DCHS2: variants seen among roughly 807,000 people sequenced by gnomAD.
DCHS2 encodes dachsous cadherin-related 2.
In DCHS2, 142 loss-of-function variants were observed where a neutral mutation model predicts 182.4. That is an observed-to-expected ratio of 0.78 (90% CI 0.68 to 0.89). The LOEUF (loss-of-function observed/expected upper bound fraction) is 0.89, where lower values mean the gene tolerates loss of function less well. DCHS2 is among the 40% of genes least tolerant of loss of function. The pLI, the probability that DCHS2 is intolerant of heterozygous loss-of-function variation, is 0.00. For missense variants in DCHS2, 4,319 were observed against 4,198.6 expected, an observed-to-expected ratio of 1.03 and a Z score of -0.79; for synonymous variants, 1,740 against 1,663.3, an observed-to-expected ratio of 1.05 and a Z score of -1.12.
intron 10 of DCHS2, among the ~76,000 whole-genome samples, chr4:154,308,031 T>A (rs1735518598): frequency 6.6e-6 from 1 of 152,178 alleles, no homozygotes; most frequent in African/African-American, 2.4e-5. Flanking sequence ...CCTTAAATTA[T>A]ATCCTTCTCT....
chr4:154,401,877 C>T (rs987900489), intron 1 of DCHS2, among the ~76,000 whole-genome samples: 2 of 152,070 alleles, frequency 1.3e-5, no homozygotes, highest in African/African-American at 4.8e-5. Context: ...GCCTATAGTC[C>T]CAGCTACTCG....
At chr4:154,385,442 A>G (rs1361353517) in intron 1 of DCHS2, among the ~76,000 whole-genome samples, 5 of 152,152 alleles carry the variant, frequency 3.3e-5, no homozygotes, top group Non-Finnish European at 1.5e-5. Flanking sequence ...TATACCCAGT[A>G]ATGGGATGGC....
At chr4:154,412,385 TC>T (rs1373995631) in intron 1 of DCHS2, among the ~76,000 whole-genome samples, 1 of 151,964 alleles carries the variant, frequency 6.6e-6, no homozygotes, top group African/African-American at 2.4e-5. Flanking sequence ...CTCTTTTCAG[TC>T]TAGCTGCCTT....
At chr4:154,456,707 G>A (rs1410848225) in intron 1 of DCHS2, among the ~76,000 whole-genome samples, 1 of 152,170 alleles carries the variant, frequency 6.6e-6, no homozygotes, top group African/African-American at 2.4e-5. Flanking sequence ...AAAATAACAA[G>A]TCAAGGAAGA....
At chr4:154,253,024 T>TTTA (rs1221551877) in intron 16 of DCHS2, among the ~76,000 whole-genome samples, 1 of 149,790 alleles carries the variant, frequency 6.7e-6, no homozygotes, top group African/African-American at 2.5e-5. Context: ...AAAATCCTCC[T>TTTA]TTATTTCTTA....
In DCHS2 at chr4:154,366,207, T is replaced by C. The variant is rs369093995; in HGVS notation, c.2476+3A>G. The stretch of plus-strand genomic sequence containing the variant: ...GGATGAAAACTGTTCCAAGATCACA[T>C]ACCTGTGGTGGAGTCAATGGTAAAA... On this transcript the variant is annotated splice_donor_region_variant and intron_variant, in intron 3 of 19. Transcript: ENST00000357232. The C allele has an allele frequency of 1.7e-5, 27 of 1,608,520 alleles. No individual in the cohort carries two copies. The highest frequency in any genetic ancestry group is 1.7e-5 in the Non-Finnish European group (20 of 1,175,484).
In DCHS2 at chr4:154,236,327, G is replaced by C. The variant is rs1191578608; in HGVS notation, c.8325C>G (p.Ser2775Arg). 6.2e-7 allele frequency: 1 copy of C among 1,614,034 alleles called. No homozygotes were observed. The highest frequency in any genetic ancestry group is 1.1e-5 in the South Asian group (1 of 91,078). The change falls in exon 20 of 20, where the codon AGC becomes AGG. Residue 2775 changes from serine to arginine, a missense_variant. Ser to Arg is a moderately radical substitution (Grantham distance 110, BLOSUM62 -1). Transcript: ENST00000357232. ...HAPQFMFSSF[S>R]CIVPENLPIS... The stretch of plus-strand genomic sequence containing the variant: ...TAGGCAGATTTTCTGGAACAATACA[G>C]CTGAAGCTTGAGAACATAAACTGAG...
chr4:154,240,946 A>C, intron 17 of DCHS2, 123 bp from the exon 18 acceptor site: 2 of 1,412,912 alleles, frequency 1.4e-6, no homozygotes, highest in Non-Finnish European at 1.9e-6. Flanking sequence ...TCTTGGCTTG[A>C]TTTCTCATAC....
chr4:154,415,729 G>A (rs1159842575), intron 1 of DCHS2, among the ~76,000 whole-genome samples: 7 of 152,076 alleles, frequency 4.6e-5, no homozygotes, highest in African/African-American at 1.7e-4. Flanking sequence ...GGTCGGTGAG[G>A]AAAATGACTA....
intron 1 of DCHS2, among the ~76,000 whole-genome samples, chr4:154,427,616 A>G (rs1401650984): frequency 6.6e-6 from 1 of 152,222 alleles, no homozygotes; most frequent in Non-Finnish European, 1.5e-5. Context: ...GTAGCATCTG[A>G]GTTATGTCTT....
chr4:154,254,516 C>T (rs1201289802), intron 16 of DCHS2, among the ~76,000 whole-genome samples: 2 of 152,166 alleles, frequency 1.3e-5, no homozygotes, highest in African/African-American at 4.8e-5. Context: ...AAGCAGTCCC[C>T]ACTCATGGAT....
chr4:154,339,680 C>G (rs1728973859), intron 3 of DCHS2, among the ~76,000 whole-genome samples: 1 of 152,230 alleles, frequency 6.6e-6, no homozygotes, highest in South Asian at 2.1e-4. Context: ...AACTCCTGAC[C>G]TTGTGATCCG....
chr4:154,432,646 GAA>G (rs762788162), intron 1 of DCHS2, among the ~76,000 whole-genome samples: 1 of 137,370 alleles, frequency 7.3e-6, no homozygotes. Flanking sequence ...GTAATAGAAT[GAA>G]AAAAAAAAAG....
At position 154,259,757 on chromosome 4, in the gene DCHS2, C is replaced by A. The variant is rs751247251; in HGVS notation, c.6578-1G>T. On this transcript the variant is annotated splice_acceptor_variant, in intron 14 of 19. Transcript: ENST00000357232. LOFTEE classifies it high-confidence loss of function. ...TTGGGTTCTTTCACAGTGAGTTGTC[C>A]TATTTTTATTTCCAAGGAGAAAAAA... is the stretch of plus-strand genomic sequence containing the variant. 6.2e-7 allele frequency: 1 copy of A among 1,600,306 alleles called. No homozygotes were observed. The highest frequency in any genetic ancestry group is 1.1e-5 in the South Asian group (1 of 88,114).
intron 1 of DCHS2, among the ~76,000 whole-genome samples, chr4:154,464,715 A>G (rs1199864513): frequency 6.6e-6 from 1 of 152,160 alleles, no homozygotes; most frequent in African/African-American, 2.4e-5. Context: ...AGGGAGAACT[A>G]GAGACTGAGG....
chr4:154,381,856 TGTC>T (rs1731183399), intron 1 of DCHS2, among the ~76,000 whole-genome samples: 1 of 152,200 alleles, frequency 6.6e-6, no homozygotes, highest in Non-Finnish European at 1.5e-5. Context: ...ATGGCCAGAC[TGTC>T]TAAAGCAATC....
intron 10 of DCHS2, among the ~76,000 whole-genome samples, chr4:154,313,131 TACGTTTGAC>T: frequency 6.6e-6 from 1 of 152,320 alleles, no homozygotes; most frequent in East Asian, 1.9e-4. Context: ...TAAGTTATTT[TACGTTTGAC>T]ACCTTTGAGC....
intron 1 of DCHS2, among the ~76,000 whole-genome samples, chr4:154,467,429 G>C (rs1368023216): frequency 2.0e-5 from 3 of 152,014 alleles, no homozygotes; most frequent in Non-Finnish European, 4.4e-5. Flanking sequence ...TATATTTTAA[G>C]TGGCTTTAAC....
chr4:154,316,780 T>C (rs934350622), intron 9 of DCHS2, among the ~76,000 whole-genome samples: 1 of 152,010 alleles, frequency 6.6e-6, no homozygotes, highest in Non-Finnish European at 1.5e-5. Flanking sequence ...CAAGACTCCA[T>C]CTCAATAAAA....
Sources: allele counts gnomAD v4.1 joint callset (sites outside exome capture counted in the v4.1 genomes callset), GRCh38; gene constraint gnomAD v4.1.1; transcripts MANE v1.5; gene names NCBI Gene and HGNC (gene_info 2026-07-23, HGNC 2026-07-21).